The following IFT43 variants were observed in gnomAD, a reference collection of about 807,000 sequenced individuals.
IFT43 encodes the protein intraflagellar transport 43, also known as intraflagellar transport protein 43 homolog.
IFT43 carries 33 observed loss-of-function variants against 32.3 expected under a neutral mutation model. The observed-to-expected ratio is 1.02, with a 90% CI of 0.77 to 1.37. The LOEUF is 1.37. IFT43 is among the 40% of genes most tolerant of loss of function. The pLI is 0.00. For synonymous variants in IFT43, 93 were observed against 98.2 expected, an observed-to-expected ratio of 0.95 and a Z score of 0.31; for missense variants, 274 against 265.9, an observed-to-expected ratio of 1.03 and a Z score of -0.21.
At chr14:76,010,197 A>C (rs1049625840) in intron 2 of IFT43, among the ~76,000 whole-genome samples, 1 of 152,184 alleles carries the variant, frequency 6.6e-6, no homozygotes, top group Non-Finnish European at 1.5e-5. Flanking sequence ...ACTTTTATCT[A>C]AAAGCACCTT....
intron 2 of IFT43, among the ~76,000 whole-genome samples, chr14:76,006,113 A>G (rs2035976752): frequency 6.6e-6 from 1 of 152,216 alleles, no homozygotes; most frequent in Admixed American, 6.5e-5. Context: ...TAGTGGTGCA[A>G]CTTGGAAGTA....
intron 5 of IFT43, among the ~76,000 whole-genome samples, chr14:76,071,571 T>G (rs2037321270): frequency 6.6e-6 from 1 of 152,130 alleles, no homozygotes; most frequent in Non-Finnish European, 1.5e-5. Flanking sequence ...CATCACTGAT[T>G]TCAGAGGTGG....
At chr14:76,024,293 C>T (rs371446858) in intron 3 of IFT43, among the ~76,000 whole-genome samples, 9 of 152,304 alleles carry the variant, frequency 5.9e-5, no homozygotes, top group African/African-American at 1.4e-4. Flanking sequence ...CTTCTTCCTA[C>T]GACATACTCT....
At chr14:76,060,335 A>C (rs545987745) in intron 5 of IFT43, among the ~76,000 whole-genome samples, 42 of 152,166 alleles carry the variant, frequency 2.8e-4, no homozygotes, top group African/African-American at 9.4e-4. Flanking sequence ...CTCCTGCCTC[A>C]GCCTCCCGAG....
At chr14:76,005,418 C>T (rs2035963349) in intron 2 of IFT43, among the ~76,000 whole-genome samples, 1 of 152,208 alleles carries the variant, frequency 6.6e-6, no homozygotes, top group African/African-American at 2.4e-5. Context: ...CCAAGCACCT[C>T]TAACTTTGTG....
chr14:76,012,456 G>A, intron 2 of IFT43, among the ~76,000 whole-genome samples: 1 of 152,206 alleles, frequency 6.6e-6, no homozygotes, highest in East Asian at 1.9e-4. Flanking sequence ...GCCTCTCACA[G>A]GCTCCTTTTT....
rs144776609 is a variant in IFT43 at position 75,985,794 on chromosome 14, A to G, written c.8A>G (p.Asp3Gly). 1.9e-6 allele frequency: 3 copies of G among 1,613,844 alleles called. No individual in the cohort carries two copies. The highest frequency in any genetic ancestry group is 2.2e-5 in the East Asian group (1 of 44,868). ...CGTCAGGCGGCCGCGGAGATGGAGG[A>G]TTTGCTCGACTTGGACGAGGAGCTT... is the stretch of plus-strand genomic sequence containing the variant. ME[D>G]LLDLDEELRY... The change falls in exon 1 of 9, where the codon GAT (aspartate) becomes GGT (glycine). Residue 3 changes from aspartate (D) to glycine (G), a missense_variant. Transcript: ENST00000314067.
chr14:76,015,428 T>C (rs748492144), intron 2 of IFT43, among the ~76,000 whole-genome samples: 5 of 152,234 alleles, frequency 3.3e-5, no homozygotes, highest in Admixed American at 6.5e-5. Context: ...TCCTGACTCA[T>C]GTTGCTCAGG....
At position 75,988,799 on chromosome 14, in the gene IFT43, T is replaced by C. The variant is rs2139860009; in HGVS notation, c.55-86T>C. On this transcript the variant is annotated intron_variant, in intron 1 of 8. Transcript: ENST00000314067. Reference sequence around the variant, plus strand: ...TCCCAAAGTGCTGGGATTGCAGCTGTGAGCCACTGCGCCCGGCTGGATTGT... The same window carrying C: ...TCCCAAAGTGCTGGGATTGCAGCTGCGAGCCACTGCGCCCGGCTGGATTGT... The C allele has an allele frequency of 2.5e-6, 4 of 1,603,834 alleles. No homozygotes were observed. In the South Asian group the frequency reaches 4.4e-5, roughly 18 times the overall value.
chr14:76,008,193 T>TGACGG (rs1441035116), intron 2 of IFT43, among the ~76,000 whole-genome samples: 1 of 152,174 alleles, frequency 6.6e-6, no homozygotes, highest in Non-Finnish European at 1.5e-5. Flanking sequence ...TTGGGCAGCT[T>TGACGG]TCAAGGATAT....
intron 2 of IFT43, among the ~76,000 whole-genome samples, chr14:75,999,403 C>T (rs1367735299): frequency 6.7e-6 from 1 of 148,884 alleles, no homozygotes; most frequent in African/African-American, 2.5e-5. Flanking sequence ...GTTGGGATTA[C>T]AGGCATGAGC....
At chr14:76,056,289 C>G (rs559045978) in intron 3 of IFT43, among the ~76,000 whole-genome samples, 2 of 152,184 alleles carry the variant, frequency 1.3e-5, no homozygotes, top group Non-Finnish European at 2.9e-5. Flanking sequence ...CCCTGCTGCC[C>G]GTCCTTGAGG....
At chr14:76,006,130 A>G (rs1303981851) in intron 2 of IFT43, among the ~76,000 whole-genome samples, 1 of 152,220 alleles carries the variant, frequency 6.6e-6, no homozygotes, top group Non-Finnish European at 1.5e-5. Context: ...AGTAATGACC[A>G]GAAACATGGG....
intron 3 of IFT43, among the ~76,000 whole-genome samples, chr14:76,052,535 C>T (rs1246648033): frequency 1.3e-5 from 2 of 152,176 alleles, no homozygotes; most frequent in Non-Finnish European, 2.9e-5. Context: ...AGGAGACAGA[C>T]CCTGCAGGCA....
intron 2 of IFT43, among the ~76,000 whole-genome samples, chr14:76,020,220 G>A (rs1322874483): frequency 1.3e-5 from 2 of 152,154 alleles, no homozygotes; most frequent in Non-Finnish European, 2.9e-5. Flanking sequence ...TGATCTGCCC[G>A]TCTTGGCCTC....
intron 2 of IFT43, among the ~76,000 whole-genome samples, chr14:75,992,491 GCTA>G (rs1373827922): frequency 3.4e-5 from 5 of 149,160 alleles, no homozygotes; most frequent in African/African-American, 1.3e-4. Flanking sequence ...CTGTTCACAG[GCTA>G]CTACTCATTT....
intron 3 of IFT43, among the ~76,000 whole-genome samples, chr14:76,041,987 G>T (rs542673079): frequency 2.0e-5 from 3 of 152,052 alleles, no homozygotes; most frequent in Non-Finnish European, 4.4e-5. Flanking sequence ...GACAGCTCTA[G>T]ACTTTAGGAA....
At chr14:76,078,098 G>C (rs1192369631) in intron 5 of IFT43, among the ~76,000 whole-genome samples, 1 of 152,208 alleles carries the variant, frequency 6.6e-6, no homozygotes, top group East Asian at 1.9e-4. Flanking sequence ...GCAGAACAGT[G>C]TCTGTGTAGT....
At chr14:76,013,972 G>C (rs570234955) in intron 2 of IFT43, 1 of 237,412 alleles carries the variant, frequency 4.2e-6, no homozygotes, top group East Asian at 9.8e-5. Flanking sequence ...CTGGAAGCCA[G>C]CAACCAAAAC....
Sources: gnomAD v4.1 joint callset for allele counts (sites outside exome capture counted in the v4.1 genomes callset) on GRCh38, gnomAD v4.1.1 for gene constraint, MANE v1.5 for transcripts, NCBI Gene and HGNC (gene_info 2026-07-23, HGNC 2026-07-21) for gene names.